DLG2: variants seen among roughly 807,000 people sequenced by gnomAD.
DLG2 encodes disks large homolog 2.
DLG2 carries 45 observed loss-of-function variants against 132.5 expected under a neutral mutation model. That is an observed-to-expected ratio of 0.34 (90% CI 0.27 to 0.44). The LOEUF is 0.44. Among genes scored for constraint, DLG2 ranks in the 20% least tolerant of loss-of-function variants. DLG2 has a pLI of 1.00. For missense variants in DLG2, 1,045 were observed against 1,196.9 expected (o/e 0.87, Z 1.87); for synonymous variants, 424 against 419.6 (o/e 1.01, Z -0.13).
chr11:84,802,049 G>A (rs1439151669), intron 6 of DLG2, among the ~76,000 whole-genome samples: 1 of 151,364 alleles, frequency 6.6e-6, no homozygotes, highest in African/African-American at 2.4e-5. Flanking sequence ...CCATAATTTA[G>A]GTGATCATTT....
chr11:83,467,771 GTATATATATATATATATATATA>G (rs1192401405), intron 25 of DLG2, among the ~76,000 whole-genome samples: 27 of 85,062 alleles, frequency 3.2e-4, no homozygotes, highest in East Asian at 2.3e-3. Flanking sequence ...AAAACTATAT[GTATATATATATATATATATATA>G]TATATATATA....
In DLG2 at chr11:84,751,291, C is replaced by T. The variant is rs1361201743; in HGVS notation, c.358-216560G>A. On this transcript the variant is annotated intron_variant, in intron 6 of 27. Coordinates refer to ENST00000376104, the MANE Select transcript of DLG2 (RefSeq NM_001142699.3). ...GCATATGTGCTTTATCTCACTTAAT[C>T]CTCAAAAGAACAAATATGAGGTGCA... Among the ~76,000 whole-genome samples, 4 of 152,034 alleles carry T rather than the reference C, an allele frequency of 2.6e-5. 1 individual carries two copies. Among genetic ancestry groups the T allele is most frequent in the South Asian group, 4.2e-4 (2 of 4,816 alleles).
chr11:84,279,148 T>C (rs1009128003), intron 7 of DLG2, among the ~76,000 whole-genome samples: 1 of 152,052 alleles, frequency 6.6e-6, no homozygotes, highest in Non-Finnish European at 1.5e-5. Context: ...CATCAAAAAG[T>C]GGGTGAAGGG....
At chr11:84,183,749 C>T (rs921066443) in intron 8 of DLG2, among the ~76,000 whole-genome samples, 18 of 152,126 alleles carry the variant, frequency 1.2e-4, no homozygotes, top group Admixed American at 7.9e-4. Context: ...CAACAGGCCC[C>T]GGTGTGTGAT....
chr11:84,766,273 C>G (rs117757936), intron 6 of DLG2, among the ~76,000 whole-genome samples: 9,515 of 152,046 alleles, frequency 0.063, 377 homozygotes, highest in Non-Finnish European at 0.094. Flanking sequence ...CTTCCCTTTC[C>G]ATCCAAGGTG....
intron 4 of DLG2, among the ~76,000 whole-genome samples, chr11:85,205,450 A>T (rs2081816656): frequency 2.0e-5 from 3 of 152,174 alleles, no homozygotes; most frequent in African/African-American, 7.2e-5. Context: ...TCAATAGAAG[A>T]AAAAAGTTAC....
At chr11:85,394,662 C>A (rs375253659) in intron 3 of DLG2, among the ~76,000 whole-genome samples, 19 of 152,190 alleles carry the variant, frequency 1.2e-4, no homozygotes, top group Non-Finnish European at 2.4e-4. Context: ...CAATGAATCA[C>A]TGAATAAGGC....
chr11:83,828,860 G>GTA (rs10584888), intron 17 of DLG2, among the ~76,000 whole-genome samples: 20 of 151,344 alleles, frequency 1.3e-4, no homozygotes, highest in East Asian at 7.8e-4. Flanking sequence ...CAGTGTGTGT[G>GTA]TATATATATA....
chr11:85,377,728 G>T (rs1370282588), intron 3 of DLG2, among the ~76,000 whole-genome samples: 1 of 150,130 alleles, frequency 6.7e-6, no homozygotes, highest in East Asian at 2.0e-4. Context: ...GACAGAACTT[G>T]AATAACAATA....
chr11:83,825,259 G>A (rs1234568287), intron 17 of DLG2, among the ~76,000 whole-genome samples: 1 of 139,816 alleles, frequency 7.2e-6, no homozygotes, highest in South Asian at 2.3e-4. Flanking sequence ...TTGGCTCACC[G>A]CAACCTCCGC....
intron 3 of DLG2, among the ~76,000 whole-genome samples, chr11:85,501,145 C>G (rs1239483732): frequency 6.6e-6 from 1 of 152,158 alleles, no homozygotes; most frequent in Non-Finnish European, 1.5e-5. Context: ...CTTTGACAAA[C>G]CCGACAAAAA....
rs541359718 is a variant in DLG2 at position 84,323,367 on chromosome 11, G to A, written c.520-72076C>T. Among the ~76,000 whole-genome samples the A allele has an allele frequency of 2.2e-3, 336 of 152,192 alleles. 2 individuals carry two copies. The highest frequency in any genetic ancestry group is 7.6e-3 in the African/African-American group (314 of 41,540). Reference sequence around the variant, plus strand: ...TTCACCCTTGTTGTAGCATATGATAGGATTTCCTTCTTTTTTATGGTTGAA... The same window carrying A: ...TTCACCCTTGTTGTAGCATATGATAAGATTTCCTTCTTTTTTATGGTTGAA... On this transcript the variant is annotated intron_variant, in intron 7 of 27. Transcript: ENST00000376104.
chr11:85,398,785 T>C (rs938454988), intron 3 of DLG2, among the ~76,000 whole-genome samples: 1 of 152,064 alleles, frequency 6.6e-6, no homozygotes, highest in Admixed American at 6.6e-5. Context: ...CGATAATTAA[T>C]AGCCTACTCA....
intron 9 of DLG2, among the ~76,000 whole-genome samples, chr11:84,109,497 A>C (rs1208793314): frequency 1.3e-5 from 2 of 152,194 alleles, no homozygotes; most frequent in Non-Finnish European, 2.9e-5. Context: ...ATGGGATCAA[A>C]TATAATATTT....
rs185991760 is a variant in DLG2 at position 83,482,444 on chromosome 11, T to A, written c.2293+1685A>T. 1.3e-3 allele frequency among the ~76,000 whole-genome samples: 201 copies of A among 152,218 alleles called. 1 individual carries two copies. Among genetic ancestry groups the A allele is most frequent in the African/African-American group, 4.5e-3 (189 of 41,560 alleles). ...GTTAGTTATTAAAGAGGAAAAATCA[T>A]AATGTAGTATATTAAGACACAGGAT... is the stretch of plus-strand genomic sequence containing the variant. On this transcript the variant is annotated intron_variant, in intron 22 of 27. Coordinates refer to ENST00000376104, the MANE Select transcript of DLG2 (RefSeq NM_001142699.3).
chr11:84,201,921 C>T (rs754671151), intron 8 of DLG2, among the ~76,000 whole-genome samples: 8 of 139,616 alleles, frequency 5.7e-5, no homozygotes, highest in Admixed American at 3.2e-4. Context: ...CGGGTTCAAG[C>T]GATTCTCCTG....
intron 16 of DLG2, among the ~76,000 whole-genome samples, chr11:83,842,124 G>C (rs964804426): frequency 6.6e-6 from 1 of 152,166 alleles, no homozygotes; most frequent in Non-Finnish European, 1.5e-5. Flanking sequence ...GATGCTGAGC[G>C]AATGGAGAAA....
chr11:84,750,974 A>G (rs1454354921), intron 6 of DLG2, among the ~76,000 whole-genome samples: 1 of 152,186 alleles, frequency 6.6e-6, no homozygotes, highest in Non-Finnish European at 1.5e-5. Context: ...GAGGTATCCT[A>G]TTAAGTCAAG....
rs540849355 is a variant in DLG2, at chr11:84,310,929, G to A, written c.520-59638C>T. Reference sequence around the variant, plus strand: ...TATGAGGGGAGATTTACAGAGCTTGGCTAAATATTTCGAACACAGTTGTTC... The same window carrying A: ...TATGAGGGGAGATTTACAGAGCTTGACTAAATATTTCGAACACAGTTGTTC... On this transcript the variant is annotated intron_variant, in intron 7 of 27. Transcript: ENST00000376104. Among the ~76,000 whole-genome samples, 4 of 152,288 alleles carry A rather than the reference G, an allele frequency of 2.6e-5. No homozygotes were observed. In the East Asian group the frequency reaches 7.7e-4, roughly 29 times the overall value.
Sources: gnomAD v4.1 joint callset for allele counts (sites outside exome capture counted in the v4.1 genomes callset) on GRCh38, gnomAD v4.1.1 for gene constraint, MANE v1.5 for transcripts, NCBI Gene and HGNC (gene_info 2026-07-23, HGNC 2026-07-21) for gene names.